Variants in TTC6 observed in about 807,000 individuals in gnomAD.
The protein encoded by TTC6 is tetratricopeptide repeat protein 6.
Under a neutral mutation model 210.4 loss-of-function variants are expected in TTC6, and 172 were observed. That is an observed-to-expected ratio of 0.82 (90% confidence interval 0.72 to 0.93). The LOEUF is 0.93. Ranked by LOEUF, TTC6 falls within the 40% of genes least tolerant of loss-of-function variation. The pLI is 0.00. For missense variants in TTC6, 2,414 were observed against 2,318.1 expected (o/e 1.04, Z -0.85); for synonymous variants, 804 against 819.6 (o/e 0.98, Z 0.32).
exon 1 of TTC6, chr14:37,622,930 A>G (rs1274127349): frequency 1.3e-6 from 2 of 1,533,450 alleles, no homozygotes; most frequent in Non-Finnish European, 1.7e-6. Context: ...TCCGAGGCCC[A>G]GCTGGCCTCC....
chr14:37,634,929 A>G (rs2095677192), intron 1 of TTC6, among the ~76,000 whole-genome samples: 1 of 152,168 alleles, frequency 6.6e-6, no homozygotes, highest in African/African-American at 2.4e-5. Flanking sequence ...GTAAAGTAGG[A>G]CTTTTTTTTT....
chr14:37,784,423 T>C (rs575101948), intron 14 of TTC6, among the ~76,000 whole-genome samples: 6 of 152,324 alleles, frequency 3.9e-5, no homozygotes, highest in South Asian at 2.1e-4. Flanking sequence ...GTCTGTTTTA[T>C]CAGAGACCAG....
intron 1 of TTC6, among the ~76,000 whole-genome samples, chr14:37,629,938 T>G (rs775337597): frequency 3.3e-5 from 5 of 152,220 alleles, no homozygotes; most frequent in South Asian, 2.1e-4. Flanking sequence ...GAACCAGCCT[T>G]GCATCCCAGG....
intron 13 of TTC6, 70 bp from the exon 16 acceptor site, chr14:37,753,029 C>T (rs1256487480): frequency 8.4e-7 from 1 of 1,194,750 alleles, no homozygotes; most frequent in East Asian, 2.7e-5. Context: ...AGTTTTAGAT[C>T]ACTTATGTGA....
At chr14:37,841,350 C>A in intron 29 of TTC6, 95 bp from the exon 32 acceptor site, 2 of 1,015,906 alleles carry the variant, frequency 2.0e-6, no homozygotes, top group Non-Finnish European at 2.9e-6. Context: ...CTTGGTATGC[C>A]ACTGGCCTTA....
exon 10 of TTC6, chr14:37,739,092 T>C (rs2138945946): frequency 1.3e-6 from 2 of 1,529,678 alleles, no homozygotes; most frequent in Non-Finnish European, 1.7e-6. Context: ...AAGAAAAGAT[T>C]GAAACAACAA....
exon 11 of TTC6, chr14:37,749,195 G>C (rs1449290798): frequency 6.5e-7 from 1 of 1,532,424 alleles, no homozygotes; most frequent in Admixed American, 2.0e-5. Flanking sequence ...ACCTGAAAGA[G>C]TGAAAGAACC....
intron 1 of TTC6, among the ~76,000 whole-genome samples, chr14:37,668,638 A>T (rs1350412536): frequency 6.6e-6 from 1 of 152,202 alleles, no homozygotes; most frequent in Non-Finnish European, 1.5e-5. Flanking sequence ...CCAGAGACTC[A>T]TGGATACATC....
chr14:37,617,995 G>A (rs1299326276), upstream of TTC6, among the ~76,000 whole-genome samples: 1 of 152,306 alleles, frequency 6.6e-6, no homozygotes, highest in South Asian at 2.1e-4. Flanking sequence ...CATTCCTAAT[G>A]TAATACTCTG....
intron 15 of TTC6, among the ~76,000 whole-genome samples, chr14:37,788,254 T>C (rs8010511): frequency 0.71 from 108,696 of 152,048 alleles, 40,862 homozygotes; most frequent in Non-Finnish European, 0.84. Context: ...ATAGAGTCAG[T>C]GCTCAGTAAA....
chr14:37,667,404 G>A (rs762465911), intron 1 of TTC6, among the ~76,000 whole-genome samples: 8 of 150,482 alleles, frequency 5.3e-5, no homozygotes, highest in Non-Finnish European at 7.5e-5. Flanking sequence ...AGATGGAATC[G>A]CACCCTTTCC....
At chr14:37,793,738 A>G (rs1225316096) in intron 17 of TTC6, among the ~76,000 whole-genome samples, 1 of 152,222 alleles carries the variant, frequency 6.6e-6, no homozygotes, top group East Asian at 1.9e-4. Flanking sequence ...GTAAGGATAT[A>G]GTCAAAGGCT....
At chr14:37,691,495 A>G (rs1034992943) in intron 3 of TTC6, among the ~76,000 whole-genome samples, 1 of 152,196 alleles carries the variant, frequency 6.6e-6, no homozygotes, top group Non-Finnish European at 1.5e-5. Flanking sequence ...TTTTTGAAAC[A>G]AATGATAATG....
intron 23 of TTC6, among the ~76,000 whole-genome samples, chr14:37,808,029 C>T (rs937437057): frequency 5.3e-5 from 8 of 151,970 alleles, no homozygotes; most frequent in South Asian, 4.2e-4. Flanking sequence ...TTATATACAA[C>T]TGAGAACAAA....
Position 37,746,221 on chromosome 14 carries a change from C to A in TTC6, c.2364-2718C>A, listed in dbSNP as rs568632185. Among the ~76,000 whole-genome samples the A allele has an allele frequency of 2.0e-5, 3 of 152,280 alleles. No individual in the cohort carries two copies. The East Asian group carries it at 5.8e-4, about 29-fold the overall frequency. Reference sequence around the variant, plus strand: ...ACAAATTTCTTGGCTCCCGTTCCCCCACTGTCATTCTTTTCCAGCTCTGAG... The same window carrying A: ...ACAAATTTCTTGGCTCCCGTTCCCCAACTGTCATTCTTTTCCAGCTCTGAG... On this transcript the variant is annotated intron_variant, in intron 10 of 30. Coordinates refer to ENST00000553443, the Ensembl canonical transcript of TTC6.
chr14:37,631,814 T>C (rs948996952), intron 1 of TTC6, among the ~76,000 whole-genome samples: 3 of 152,200 alleles, frequency 2.0e-5, no homozygotes, highest in Non-Finnish European at 2.9e-5. Context: ...TTCATTCCTT[T>C]TCATTCTTTT....
chr14:37,640,394 A>G (rs1182582901), intron 1 of TTC6, among the ~76,000 whole-genome samples: 1 of 152,162 alleles, frequency 6.6e-6, no homozygotes, highest in East Asian at 1.9e-4. Flanking sequence ...TAATTTTTAA[A>G]TGTTGTTCAA....
intron 2 of TTC6, among the ~76,000 whole-genome samples, chr14:37,609,446 A>G (rs2095630726): frequency 1.3e-5 from 2 of 152,000 alleles, no homozygotes; most frequent in South Asian, 2.1e-4. Context: ...AATAAACTAG[A>G]CCTAGAACAG....
intron 13 of TTC6, among the ~76,000 whole-genome samples, chr14:37,751,823 C>CT (rs71127240): frequency 0.39 from 49,301 of 125,316 alleles, 11,814 homozygotes; most frequent in Non-Finnish European, 0.51. Context: ...AGGAAATGAA[C>CT]TTTTTTTTTT....
Sources: gnomAD v4.1 joint callset for allele counts (sites outside exome capture counted in the v4.1 genomes callset) on GRCh38, gnomAD v4.1.1 for gene constraint, MANE v1.5 for transcripts, NCBI Gene and HGNC (gene_info 2026-07-23, HGNC 2026-07-21) for gene names.